Variants in ZDHHC7 observed in about 807,000 individuals in gnomAD.
ZDHHC7 encodes the protein zDHHC palmitoyltransferase 7.
In ZDHHC7, 12 loss-of-function variants were observed where a neutral mutation model predicts 34.1. The ratio of observed to expected loss-of-function variants is 0.35; its 90% CI spans 0.23 to 0.57. ZDHHC7 has a LOEUF of 0.57. ZDHHC7 is among the 20% of genes least tolerant of loss of function. ZDHHC7 has a pLI of 0.84. For missense variants in ZDHHC7, 388 were observed against 402.7 expected (o/e 0.96, Z 0.31); for synonymous variants, 185 against 155.4 (o/e 1.19, Z -1.42).
intron 3 of ZDHHC7, among the ~76,000 whole-genome samples, chr16:84,983,790 A>G (rs2072401379): frequency 1.3e-5 from 2 of 151,880 alleles, no homozygotes; most frequent in Admixed American, 6.6e-5. Context: ...TCACGAGGTT[A>G]GGAGTTCAAG....
At chr16:84,980,499 G>A (rs1474204792) in intron 4 of ZDHHC7, among the ~76,000 whole-genome samples, 1 of 151,950 alleles carries the variant, frequency 6.6e-6, no homozygotes, top group Admixed American at 6.6e-5. Flanking sequence ...GCAAAACCCC[G>A]TCTCTACTAA....
Position 85,007,498 on chromosome 16 carries a change from T to C in ZDHHC7, c.-104+3788A>G, listed in dbSNP as rs948380462. Among the ~76,000 whole-genome samples, 3 of 149,194 alleles carry C rather than the reference T, an allele frequency of 2.0e-5. 1 individual carries two copies. The highest frequency in any genetic ancestry group is 7.4e-5 in the African/African-American group (3 of 40,512). On this transcript the variant is annotated intron_variant, in intron 1 of 7. Transcript: ENST00000313732. ...GGCCAAGATTACTAAGACAAGGATATGTTTGTAAATAGAAGTGAAGAAACC... is the reference window on the plus strand; with the variant it reads ...GGCCAAGATTACTAAGACAAGGATACGTTTGTAAATAGAAGTGAAGAAACC...
rs2072283338 is a variant in ZDHHC7, at chr16:84,975,487, A to C, written c.*856T>G. 6.6e-6 allele frequency: 1 copy of C among 152,576 alleles called. No individual in the cohort carries two copies. The highest frequency in any genetic ancestry group is 2.1e-4 in the South Asian group (1 of 4,838). The allele number at this position is 152,576 out of a possible 1,614,324, so 9.5% of individuals were successfully genotyped here. On this transcript the variant is annotated 3_prime_UTR_variant, in exon 8 of 8. Coordinates refer to ENST00000313732, the MANE Select transcript of ZDHHC7 (RefSeq NM_017740.3). ...TCAGTTCCAAGGCCCTCAAGCACTC[A>C]AGATTTCTTTAAAAAATGAAAGCAG... is the stretch of plus-strand genomic sequence containing the variant.
chr16:85,022,079 G>C, the ZDHHC7 span, among the ~76,000 whole-genome samples: 2 of 151,658 alleles, frequency 1.3e-5, no homozygotes, highest in African/African-American at 4.8e-5. Context: ...AGAATGGCGT[G>C]AACCCGGGAG....
intron 3 of ZDHHC7, among the ~76,000 whole-genome samples, chr16:84,989,173 G>C (rs1481717561): frequency 6.6e-6 from 1 of 152,220 alleles, no homozygotes; most frequent in Non-Finnish European, 1.5e-5. Flanking sequence ...GCCACTGGCA[G>C]ACTTTGCTTC....
rs746880631 is a variant in ZDHHC7, at chr16:84,981,855, C to T, written c.440+15G>A. On this transcript the variant is annotated intron_variant, in intron 4 of 7. Coordinates refer to ENST00000313732, the MANE Select transcript of ZDHHC7 (RefSeq NM_017740.3). ...GTGGCGGATGCGCTCGGGTTTAATA[C>T]AGCAGCGCACGTACCTGCAGTGGTG... 6 of 1,613,490 alleles carry T rather than the reference C, an allele frequency of 3.7e-6. No homozygotes were observed. Among genetic ancestry groups the T allele is most frequent in the East Asian group, 4.5e-5 (2 of 44,872 alleles).
At position 84,988,842 on chromosome 16, in the gene ZDHHC7, C is replaced by G. The variant is rs1471050937; in HGVS notation, c.315+1462G>C. 1.9e-6 allele frequency: 3 copies of G among 1,551,666 alleles called. No homozygotes were observed. In the African/African-American group the frequency reaches 4.1e-5, roughly 21 times the overall value. ...TGGGTCCAGCCCAGTTTTCACTGTG[C>G]AGGCAGATGGTCGGCAGTCACTGGA... On this transcript the variant is annotated intron_variant, in intron 3 of 7. Transcript: ENST00000313732.
chr16:84,981,913 G>C lies in ZDHHC7; in HGVS notation c.397C>G (p.Pro133Ala), dbSNP rs747076465. 3.0e-5 allele frequency: 48 copies of C among 1,614,056 alleles called. No homozygotes were observed. Among genetic ancestry groups the C allele is most frequent in the Non-Finnish European group, 3.7e-5 (44 of 1,180,040 alleles). Residue 133 changes from proline to alanine, a missense_variant, in exon 4 of 8, where the codon CCC (proline) becomes GCC (alanine). Coordinates refer to ENST00000313732, the MANE Select transcript of ZDHHC7 (RefSeq NM_017740.3). ...LKPGEVIYKCPKCCCIKPERA... is the reference protein window; with the variant it reads ...LKPGEVIYKCAKCCCIKPERA... Reference sequence around the variant, plus strand: ...TCGGGTTTAATACAGCAGCACTTGGGGCACTTGTAGATGACTTCCCCGGGC... The same window carrying C: ...TCGGGTTTAATACAGCAGCACTTGGCGCACTTGTAGATGACTTCCCCGGGC...
In ZDHHC7 at chr16:84,988,288, G is replaced by A. The variant is rs367567665; in HGVS notation, c.315+2016C>T. Among the ~76,000 whole-genome samples the A allele has an allele frequency of 4.6e-5, 7 of 152,222 alleles. No individual in the cohort carries two copies. In the East Asian group the frequency reaches 1.2e-3, roughly 25 times the overall value. On this transcript the variant is annotated intron_variant, in intron 3 of 7. Coordinates refer to ENST00000313732, the MANE Select transcript of ZDHHC7 (RefSeq NM_017740.3). ...CTGGGAAGTGATGGCTAAGGGGTGT[G>A]GGGTTCCTTTCTGAGGTGATAAAAA...
the ZDHHC7 span, among the ~76,000 whole-genome samples, chr16:85,024,164 C>T: frequency 1.3e-5 from 2 of 151,732 alleles, no homozygotes; most frequent in East Asian, 1.9e-4. Context: ...ATGATCCACC[C>T]GCCTTGGCTT....
At chr16:84,991,978 C>G (rs1047567570) in intron 2 of ZDHHC7, among the ~76,000 whole-genome samples, 1 of 151,660 alleles carries the variant, frequency 6.6e-6, no homozygotes, top group African/African-American at 2.4e-5. Flanking sequence ...GAGTTTGAGA[C>G]CAGCCTGGTC....
chr16:84,988,491 A>C (rs1723270461), intron 3 of ZDHHC7, among the ~76,000 whole-genome samples: 1 of 152,202 alleles, frequency 6.6e-6, no homozygotes, highest in Admixed American at 6.5e-5. Flanking sequence ...CTGCAGTAAT[A>C]CAACAAGCAA....
At chr16:84,990,256 A>T in intron 3 of ZDHHC7, 48 bp downstream of exon 3, 1 of 1,591,920 alleles carries the variant, frequency 6.3e-7, no homozygotes, top group Non-Finnish European at 8.6e-7. Flanking sequence ...ACCCGAGGAC[A>T]CTAGACCAGA....
In ZDHHC7 at chr16:85,007,178, C is replaced by T. The variant is rs561892748; in HGVS notation, c.-104+4108G>A. ...GTGGCTCATGCCTGTAATCCCAGCACTTTGGGAGGCCAAGGCAGGTGGATC... is the reference window on the plus strand; with the variant it reads ...GTGGCTCATGCCTGTAATCCCAGCATTTTGGGAGGCCAAGGCAGGTGGATC... On this transcript the variant is annotated intron_variant, in intron 1 of 7. Coordinates refer to ENST00000313732, the MANE Select transcript of ZDHHC7 (RefSeq NM_017740.3). 5.9e-5 allele frequency among the ~76,000 whole-genome samples: 9 copies of T among 152,050 alleles called. 1 individual carries two copies. The highest frequency in any genetic ancestry group is 1.9e-4 in the African/African-American group (8 of 41,390).
intron 6 of ZDHHC7, 33 bp from the exon 7 acceptor site, chr16:84,977,258 C>T: frequency 1.2e-6 from 2 of 1,608,612 alleles, no homozygotes; most frequent in Non-Finnish European, 1.7e-6. Context: ...TATAACTGGT[C>T]CTGAATACCC....
rs1310005429 is a variant in ZDHHC7, at chr16:84,977,105, T to C, written c.740A>G (p.Asn247Ser). The change falls in exon 7 of 8, where the codon AAC (asparagine) becomes AGC (serine). Residue 247 changes from asparagine (N) to serine (S), a missense_variant. Coordinates refer to ENST00000313732, the MANE Select transcript of ZDHHC7 (RefSeq NM_017740.3). ...GAGAACAAAGCTTACCGTCTCGTCG[T>C]TGCATATGGAGTGGATTTGGGTGCC... ...MFGTQIHSICNDETEIERLKS... is the reference protein window; with the variant it reads ...MFGTQIHSICSDETEIERLKS... 14 of 1,614,202 alleles carry C rather than the reference T, an allele frequency of 8.7e-6. No individual in the cohort carries two copies. The highest frequency in any genetic ancestry group is 1.0e-5 in the Non-Finnish European group (12 of 1,180,036).
intron 5 of ZDHHC7, among the ~76,000 whole-genome samples, chr16:84,978,751 A>G (rs2072330183): frequency 6.6e-6 from 1 of 151,950 alleles, no homozygotes; most frequent in Non-Finnish European, 1.5e-5. Context: ...AATCTCAGCT[A>G]CTTGGGAGGC....
chr16:84,990,709 G>A lies in ZDHHC7; in HGVS notation c.-17-74C>T. The A allele has an allele frequency of 3.1e-6, 4 of 1,285,606 alleles. No homozygotes were observed. The South Asian group carries it at 5.7e-5, about 18-fold the overall frequency. 79.6% of individuals were successfully genotyped at this position (1,285,606 alleles called of 1,614,324 possible). ...GCTACCTTAAATATGATGTGTTACAGTTTGTCCTTGGCCATTTCATGAAGT... is the reference window on the plus strand; with the variant it reads ...GCTACCTTAAATATGATGTGTTACAATTTGTCCTTGGCCATTTCATGAAGT... On this transcript the variant is annotated intron_variant, in intron 2 of 7. Coordinates refer to ENST00000313732, the MANE Select transcript of ZDHHC7 (RefSeq NM_017740.3).
chr16:84,999,369 T>C (rs2072624655), intron 1 of ZDHHC7, among the ~76,000 whole-genome samples: 1 of 152,154 alleles, frequency 6.6e-6, no homozygotes, highest in Non-Finnish European at 1.5e-5. Flanking sequence ...TTCCAGGTAT[T>C]TACCCAAGAA....
Sources: allele counts gnomAD v4.1 joint callset (sites outside exome capture counted in the v4.1 genomes callset), GRCh38; gene constraint gnomAD v4.1.1; transcripts MANE v1.5; gene names NCBI Gene and HGNC (gene_info 2026-07-23, HGNC 2026-07-21).